Variants in ZC3H12B observed in about 807,000 individuals in gnomAD.
The protein encoded by ZC3H12B is zinc finger CCCH-type containing 12B.
Under a neutral mutation model 43.9 loss-of-function variants are expected in ZC3H12B, and 7 were observed. The ratio of observed to expected loss-of-function variants is 0.16; its 90% CI spans 0.09 to 0.30. ZC3H12B has a LOEUF of 0.30. Ranked by LOEUF, ZC3H12B falls within the 10% of genes least tolerant of loss-of-function variation. The pLI, the probability that ZC3H12B is intolerant of heterozygous loss-of-function variation, is 1.00. For synonymous variants in ZC3H12B, 222 were observed against 241.7 expected (o/e 0.92, Z 0.76); for missense variants, 475 against 670.2 (o/e 0.71, Z 3.22).
intron 3 of ZC3H12B, among the ~76,000 whole-genome samples, chrX:65,429,463 C>T (rs1338448391): frequency 5.3e-5 from 6 of 112,769 alleles, no homozygotes; most frequent in Non-Finnish European, 1.1e-4. Flanking sequence ...GGCTGAAGCC[C>T]TGTCTGGGAG....
intron 3 of ZC3H12B, among the ~76,000 whole-genome samples, chrX:65,450,975 A>T (rs1460224467): frequency 3.8e-5 from 4 of 103,946 alleles, no homozygotes; most frequent in African/African-American, 1.1e-4. Context: ...TATTAATTCA[A>T]TTCTTTTGTT....
the ZC3H12B span, among the ~76,000 whole-genome samples, chrX:65,343,214 C>A: frequency 9.0e-5 from 10 of 111,110 alleles, no homozygotes; most frequent in Admixed American, 8.6e-4. Flanking sequence ...AAGCCCAATA[C>A]CATACTGACT....
At chrX:65,067,148 T>C in the ZC3H12B span, among the ~76,000 whole-genome samples, 1 of 108,527 alleles carries the variant, frequency 9.2e-6, no homozygotes, top group African/African-American at 3.4e-5. Flanking sequence ...GAGGAGTGAA[T>C]TGTTCTGTCT....
chrX:65,397,716 G>A (rs1448086584), intron 2 of ZC3H12B, among the ~76,000 whole-genome samples: 3 of 111,495 alleles, frequency 2.7e-5, no homozygotes, highest in Non-Finnish European at 5.7e-5. Flanking sequence ...TCTAAGATCA[G>A]GAATACAACA....
chrX:65,211,535 A>C, the ZC3H12B span, among the ~76,000 whole-genome samples: 1 of 104,555 alleles, frequency 9.6e-6, no homozygotes, highest in Non-Finnish European at 1.9e-5. Context: ...GAAACAGAGA[A>C]ACTAAACTCC....
chrX:65,173,541 T>A, the ZC3H12B span, among the ~76,000 whole-genome samples: 1 of 112,095 alleles, frequency 8.9e-6, no homozygotes. Context: ...CCATTCAGTA[T>A]GATATTGGCT....
the ZC3H12B span, among the ~76,000 whole-genome samples, chrX:65,092,333 T>C: frequency 9.0e-6 from 1 of 111,724 alleles, no homozygotes; most frequent in Non-Finnish European, 1.9e-5. Context: ...GGCATTGTTA[T>C]GGAGATACCA....
chrX:65,163,941 A>G, the ZC3H12B span, among the ~76,000 whole-genome samples: 4 of 111,768 alleles, frequency 3.6e-5, no homozygotes, highest in East Asian at 2.8e-4. Flanking sequence ...CAGAGTTTTA[A>G]TGTAAGCAAA....
chrX:65,493,762 G>C (rs184029567), intron 1 of ZC3H12B, among the ~76,000 whole-genome samples: 62 of 111,810 alleles, frequency 5.5e-4, no homozygotes, highest in Non-Finnish European at 1.0e-3. Context: ...AAGATACTCC[G>C]TGACTTGCAG....
chrX:65,143,412 G>T, the ZC3H12B span, among the ~76,000 whole-genome samples: 1 of 110,796 alleles, frequency 9.0e-6, no homozygotes, highest in African/African-American at 3.3e-5. Context: ...AGGGATGCTG[G>T]ATTTTGTCAA....
intron 2 of ZC3H12B, among the ~76,000 whole-genome samples, chrX:65,372,194 A>G (rs1037643120): frequency 8.9e-6 from 1 of 112,308 alleles, no homozygotes; most frequent in Non-Finnish European, 1.9e-5. Flanking sequence ...GCTTATTAGC[A>G]TGTTGAAATT....
At chrX:65,455,261 C>A (rs984550834) in intron 3 of ZC3H12B, among the ~76,000 whole-genome samples, 1 of 111,803 alleles carries the variant, frequency 8.9e-6, no homozygotes, top group African/African-American at 3.3e-5. Flanking sequence ...ACTAGAATAA[C>A]CAATGCAGAG....
chrX:65,448,975 G>GAAAAAA (rs1217966922), intron 3 of ZC3H12B, among the ~76,000 whole-genome samples: 1 of 83,051 alleles, frequency 1.2e-5, no homozygotes, highest in African/African-American at 6.6e-5. Flanking sequence ...AAGAAAGAAA[G>GAAAAAA]AAAGAGAAAG....
chrX:65,299,348 A>T, the ZC3H12B span, among the ~76,000 whole-genome samples: 1 of 112,324 alleles, frequency 8.9e-6, no homozygotes, highest in South Asian at 3.7e-4. Flanking sequence ...AAAACTACTG[A>T]CCAATGTCTC....
chrX:65,479,074 C>G (rs1334387550), intron 3 of ZC3H12B, among the ~76,000 whole-genome samples: 1 of 111,955 alleles, frequency 8.9e-6, no homozygotes, highest in Non-Finnish European at 1.9e-5. Context: ...AACACAAGCC[C>G]TTGAAAAAGT....
the ZC3H12B span, among the ~76,000 whole-genome samples, chrX:65,084,317 A>G: frequency 1.8e-5 from 2 of 111,974 alleles, no homozygotes; most frequent in Non-Finnish European, 3.8e-5. Flanking sequence ...AAGTGAAGAG[A>G]CAATCCACAG....
chrX:65,337,922 C>G, the ZC3H12B span, among the ~76,000 whole-genome samples: 2 of 112,188 alleles, frequency 1.8e-5, no homozygotes, highest in East Asian at 5.6e-4. Flanking sequence ...GGTGTCATTA[C>G]TTGTGAGATG....
the ZC3H12B span, among the ~76,000 whole-genome samples, chrX:65,227,117 A>G: frequency 9.0e-6 from 1 of 111,559 alleles, no homozygotes; most frequent in Non-Finnish European, 1.9e-5. Context: ...TCCAAAATTG[A>G]CCACATAGTT....
intron 2 of ZC3H12B, among the ~76,000 whole-genome samples, chrX:65,390,152 C>A (rs1225404564): frequency 2.7e-5 from 3 of 110,137 alleles, no homozygotes; most frequent in Non-Finnish European, 3.8e-5. Flanking sequence ...AAACTATTGC[C>A]AAGGACAGAA....
Sources: gnomAD v4.1 joint callset for allele counts (sites outside exome capture counted in the v4.1 genomes callset) on GRCh38, gnomAD v4.1.1 for gene constraint, MANE v1.5 for transcripts, NCBI Gene and HGNC (gene_info 2026-07-23, HGNC 2026-07-21) for gene names.